Variants in ESCO2 observed in about 807,000 individuals in gnomAD.
The protein encoded by ESCO2 is establishment of sister chromatid cohesion N-acetyltransferase 2.
A neutral mutation model predicts 61.7 loss-of-function variants in ESCO2; 51 were observed. The ratio of observed to expected loss-of-function variants is 0.83; its 90% confidence interval spans 0.66 to 1.04. The LOEUF (loss-of-function observed/expected upper bound fraction) is 1.04, where lower values mean the gene tolerates loss of function less well. ESCO2 is among the 50% of genes least tolerant of loss of function. ESCO2 has a pLI of 0.00. For synonymous variants in ESCO2, 230 were observed against 238.2 expected (o/e 0.97, Z 0.32); for missense variants, 692 against 686.2 (o/e 1.01, Z -0.09).
downstream of ESCO2, among the ~76,000 whole-genome samples, chr8:27,812,921 A>C (rs544292805): frequency 6.6e-6 from 1 of 152,324 alleles, no homozygotes; most frequent in African/African-American, 2.4e-5. Flanking sequence ...GCAATCCCTC[A>C]AGGATCTAGA....
downstream of ESCO2, among the ~76,000 whole-genome samples, chr8:27,806,068 G>A (rs113428039): frequency 3.7e-4 from 57 of 152,224 alleles, no homozygotes; most frequent in African/African-American, 1.3e-3. Flanking sequence ...CTGCAATTTC[G>A]CTTCCCACAG....
downstream of ESCO2, among the ~76,000 whole-genome samples, chr8:27,808,862 C>G (rs1481743732): frequency 6.6e-6 from 1 of 152,126 alleles, no homozygotes; most frequent in Admixed American, 6.5e-5. Context: ...TTTCTAGGAC[C>G]TCACCAGACT....
intron 2 of ESCO2, 96 bp from the exon 3 acceptor site, chr8:27,776,266 T>C: frequency 9.6e-7 from 1 of 1,036,314 alleles, no homozygotes; most frequent in Non-Finnish European, 1.4e-6. Flanking sequence ...ATGTATTGTT[T>C]TTAATATGAC....
intron 5 of ESCO2, 48 bp downstream of exon 5, chr8:27,784,105 T>G (rs1448065597): frequency 6.4e-7 from 1 of 1,561,138 alleles, no homozygotes; most frequent in Non-Finnish European, 8.8e-7. Flanking sequence ...AATTATACAG[T>G]TCCTCTGGGT....
chr8:27,791,215 T>C (rs1805168008), intron 7 of ESCO2, among the ~76,000 whole-genome samples: 1 of 152,218 alleles, frequency 6.6e-6, no homozygotes, highest in Non-Finnish European at 1.5e-5. Flanking sequence ...TTGATTCATA[T>C]CTTTGATGTC....
upstream of ESCO2, among the ~76,000 whole-genome samples, chr8:27,773,339 GT>G (rs1804697846): frequency 6.6e-6 from 1 of 152,102 alleles, no homozygotes; most frequent in Non-Finnish European, 1.5e-5. Context: ...GATGCTTGTA[GT>G]TTCTATACAT....
In ESCO2 at chr8:27,792,771, A is replaced by G; in HGVS notation, c.1457A>G (p.Lys486Arg). 1 of 1,610,244 alleles carries G rather than the reference A, an allele frequency of 6.2e-7. No individual in the cohort carries two copies. Among genetic ancestry groups the G allele is most frequent in the Non-Finnish European group, 8.5e-7 (1 of 1,178,818 alleles). Reference protein sequence around the residue: ...IKTFLFISDEKRVVGCLIAEP... With the variant: ...IKTFLFISDERRVVGCLIAEP... ...ACTTTTCTTTTTATATCTGATGAAA[A>G]GAGAGTAGTTGGGTGTTTAATTGCA... is the stretch of plus-strand genomic sequence containing the variant. Residue 486 changes from lysine (K) to arginine (R), a missense_variant, in exon 9 of 11, where the codon AAG becomes AGG. Transcript: ENST00000305188.
the ESCO2 span, among the ~76,000 whole-genome samples, chr8:27,818,424 T>C: frequency 1.3e-5 from 2 of 152,246 alleles, no homozygotes; most frequent in African/African-American, 2.4e-5. Flanking sequence ...AAGGTTCCCT[T>C]CTTAGAGCTT....
chr8:27,818,876 A>G, the ESCO2 span, among the ~76,000 whole-genome samples: 12 of 152,138 alleles, frequency 7.9e-5, no homozygotes, highest in African/African-American at 2.4e-4. Context: ...TTTTCCCCCA[A>G]TCTTCAATAT....
chr8:27,803,546 TCATA>T lies in ESCO2; in HGVS notation c.*111_*114del. ...AAATAAAAAATACCGAGACTCACAC[TCATA>T]CACACACACACACACACGCACACAC... is the stretch of plus-strand genomic sequence containing the variant. On this transcript the variant is annotated 3_prime_UTR_variant, in exon 11 of 11. Coordinates refer to ENST00000305188, the MANE Select transcript of ESCO2 (RefSeq NM_001017420.3). 8.9e-7 allele frequency: 1 copy of T among 1,124,672 alleles called. No individual in the cohort carries two copies. Among genetic ancestry groups the T allele is most frequent in the Non-Finnish European group, 1.2e-6 (1 of 824,418 alleles). The allele number at this position is 1,124,672 out of a possible 1,614,324, so 69.7% of individuals were successfully genotyped here.
chr8:27,787,613 T>C (rs909133082), intron 5 of ESCO2, among the ~76,000 whole-genome samples: 1 of 152,162 alleles, frequency 6.6e-6, no homozygotes, highest in African/African-American at 2.4e-5. Flanking sequence ...GTGCATCTGA[T>C]ATTGTGGAAG....
At chr8:27,813,994 T>C (rs1805759737), downstream of ESCO2, among the ~76,000 whole-genome samples, 1 of 152,174 alleles carries the variant, frequency 6.6e-6, no homozygotes, top group African/African-American at 2.4e-5. Flanking sequence ...AGGCATGCAG[T>C]GTATAATAAT....
chr8:27,776,454 G>GCT lies in ESCO2; in HGVS notation c.150_151dup (p.Gln51LeufsTer8). ...GATAAAAATGAAGAAAACCTGCATT[G>GCT]CTCTCAACAAGAGCATTTTGTTTTA... On this transcript the variant is annotated frameshift_variant, in exon 3 of 11. Coordinates refer to ENST00000305188, the MANE Select transcript of ESCO2 (RefSeq NM_001017420.3). LOFTEE classifies it high-confidence loss of function. The GCT allele has an allele frequency of 2.5e-6, 4 of 1,610,472 alleles. No individual in the cohort carries two copies. The highest frequency in any genetic ancestry group is 3.4e-6 in the Non-Finnish European group (4 of 1,179,024).
intron 4 of ESCO2, among the ~76,000 whole-genome samples, chr8:27,782,348 GC>G (rs1804943655): frequency 1.3e-5 from 2 of 152,096 alleles, no homozygotes; most frequent in Non-Finnish European, 2.9e-5. Context: ...TGCAACCTCT[GC>G]CCCCAGGGTT....
chr8:27,813,187 A>G (rs989514336), downstream of ESCO2, among the ~76,000 whole-genome samples: 12 of 152,232 alleles, frequency 7.9e-5, no homozygotes, highest in African/African-American at 2.9e-4. Context: ...ATGCAGCTGG[A>G]AACCATCATT....
intron 5 of ESCO2, among the ~76,000 whole-genome samples, chr8:27,786,765 A>C (rs1444902923): frequency 1.3e-5 from 2 of 148,806 alleles, no homozygotes; most frequent in Non-Finnish European, 3.0e-5. Context: ...AGCTTAATGC[A>C]GTGGAGCTAA....
chr8:27,788,498 T>C lies in ESCO2; in HGVS notation c.1132-349T>C, dbSNP rs1338558733. On this transcript the variant is annotated intron_variant, in intron 6 of 10. Transcript: ENST00000305188. ...TTCAAATAATTCCCTTTCATCAATT[T>C]ATTGCATTTTTAGGTCTCTTGTCTC... is the stretch of plus-strand genomic sequence containing the variant. 9.9e-5 allele frequency among the ~76,000 whole-genome samples: 15 copies of C among 150,940 alleles called. No homozygotes were observed. The Admixed American group carries it at 9.9e-4, about 10-fold the overall frequency.
chr8:27,814,268 T>G (rs996594809), downstream of ESCO2, among the ~76,000 whole-genome samples: 11 of 152,154 alleles, frequency 7.2e-5, no homozygotes, highest in African/African-American at 2.7e-4. Context: ...TTTGGTAAAT[T>G]GTATTTTTCA....
chr8:27,809,458 T>G (rs1805625535), downstream of ESCO2, among the ~76,000 whole-genome samples: 1 of 152,308 alleles, frequency 6.6e-6, no homozygotes, highest in Non-Finnish European at 1.5e-5. Context: ...GGCAATTCAG[T>G]AATTTGGAAA....
Sources: allele counts gnomAD v4.1 joint callset (sites outside exome capture counted in the v4.1 genomes callset), GRCh38; gene constraint gnomAD v4.1.1; transcripts MANE v1.5; gene names NCBI Gene and HGNC (gene_info 2026-07-23, HGNC 2026-07-21).